NCAPD3: variants seen among roughly 807,000 people sequenced by gnomAD.
The protein encoded by NCAPD3 is condensin-2 complex subunit D3.
In NCAPD3, 105 loss-of-function variants were observed where a neutral mutation model predicts 182.9. That is an observed-to-expected ratio of 0.57 (90% CI 0.49 to 0.68). The LOEUF (loss-of-function observed/expected upper bound fraction) is 0.68, where lower values mean the gene tolerates loss of function less well. Among genes scored for constraint, NCAPD3 ranks in the 30% least tolerant of loss-of-function variants. The probability of loss-of-function intolerance (pLI) is 0.00; values close to 1 mark genes in which losing one functional copy is unlikely to be tolerated. For synonymous variants in NCAPD3, 815 were observed against 679.9 expected (o/e 1.20, Z -3.09); for missense variants, 1,944 against 1,837.0 (o/e 1.06, Z -1.07).
intron 19 of NCAPD3, among the ~76,000 whole-genome samples, chr11:134,184,230 T>C (rs943758482): frequency 6.6e-6 from 1 of 152,202 alleles, no homozygotes; most frequent in Non-Finnish European, 1.5e-5. Context: ...ATGTCCAAGA[T>C]TATGACTTAT....
At chr11:134,177,148 G>T in intron 23 of NCAPD3, 71 bp downstream of exon 23, 1 of 1,187,006 alleles carries the variant, frequency 8.4e-7, no homozygotes, top group Non-Finnish European at 1.2e-6. Flanking sequence ...CATTTCCTAT[G>T]CTACTCAAAT....
At chr11:134,178,425 G>A (rs1468223182) in intron 22 of NCAPD3, 5 of 400,696 alleles carry the variant, frequency 1.2e-5, no homozygotes, top group Non-Finnish European at 2.2e-5. Context: ...CCTTAGTCTT[G>A]AGGACTTATC....
In NCAPD3 at chr11:134,157,097, T is replaced by C; in HGVS notation, c.4175-2A>G. ...CTTGCTCCAAACTGTATGAAGACAC[T>C]AGAACAGAAAAGGTGCTGCTATCCA... On this transcript the variant is annotated splice_acceptor_variant, in intron 31 of 34. Coordinates refer to ENST00000534548, the MANE Select transcript of NCAPD3 (RefSeq NM_015261.3). LOFTEE classifies it high-confidence loss of function. The C allele has an allele frequency of 1.2e-6, 2 of 1,609,306 alleles. No homozygotes were observed. The highest frequency in any genetic ancestry group is 1.7e-6 in the Non-Finnish European group (2 of 1,177,402).
At chr11:134,207,863 C>G (rs1937674166) in intron 7 of NCAPD3, among the ~76,000 whole-genome samples, 1 of 151,160 alleles carries the variant, frequency 6.6e-6, no homozygotes, top group South Asian at 2.1e-4. Context: ...AAAAACATTA[C>G]TGTAAATGTT....
rs141544624 is a variant in NCAPD3, at chr11:134,188,834, C to T, written c.2046-3308G>A. 4.6e-3 allele frequency among the ~76,000 whole-genome samples: 701 copies of T among 152,248 alleles called. 1 individual carries two copies. Among genetic ancestry groups the T allele is most frequent in the Non-Finnish European group, 8.3e-3 (565 of 68,030 alleles). ...AGAACCCACCAGAAGGAATAAATTC[C>T]GGACACAAAGGGTATCCTTATAAGA... On this transcript the variant is annotated intron_variant, in intron 16 of 34. Coordinates refer to ENST00000534548, the MANE Select transcript of NCAPD3 (RefSeq NM_015261.3).
At position 134,158,013 on chromosome 11, in the gene NCAPD3, C is replaced by T; in HGVS notation, c.4089G>A (p.Glu1363=). 6.2e-7 allele frequency: 1 copy of T among 1,614,222 alleles called. No individual in the cohort carries two copies. The highest frequency in any genetic ancestry group is 8.5e-7 in the Non-Finnish European group (1 of 1,180,040). Residue 1363 remains glutamate (E), a synonymous_variant, in exon 31 of 35, where the codon GAG becomes GAA. Transcript: ENST00000534548. The part of the protein sequence containing the change: ...AILNSVKKAV[E]SKSRHRSRSL... ...TCCGACTCCGATGCCTGCTCTTTGA[C>T]TCCACGGCTTTCTTGACAGAATTCA...
At chr11:134,218,123 A>G (rs74238189) in intron 2 of NCAPD3, among the ~76,000 whole-genome samples, 1,006 of 40,278 alleles carry the variant, frequency 0.025, 27 homozygotes, top group East Asian at 0.064. Flanking sequence ...GGGGGGGGGG[A>G]AGAAATCATC....
chr11:134,160,152 C>A, intron 28 of NCAPD3, 78 bp from the exon 29 acceptor site: 2 of 1,469,590 alleles, frequency 1.4e-6, no homozygotes, highest in Non-Finnish European at 9.3e-7. Flanking sequence ...GACACACCTT[C>A]GCCTGTGTAA....
At chr11:134,185,261 T>C in intron 17 of NCAPD3, 74 bp downstream of exon 17, 1 of 1,339,094 alleles carries the variant, frequency 7.5e-7, no homozygotes, top group East Asian at 2.5e-5. Flanking sequence ...ATGAAAAAGC[T>C]CACTTCCTTA....
At chr11:134,168,678 A>G in intron 25 of NCAPD3, 76 bp from the exon 26 acceptor site, 1 of 1,581,774 alleles carries the variant, frequency 6.3e-7, no homozygotes, top group Non-Finnish European at 8.6e-7. Flanking sequence ...CTTTAACTGC[A>G]TCCTAAAAGC....
chr11:134,153,139 C>T lies in NCAPD3; in HGVS notation c.4388+1G>A, dbSNP rs1164631127. 6 of 1,613,710 alleles carry T rather than the reference C, an allele frequency of 3.7e-6. No individual in the cohort carries two copies. The highest frequency in any genetic ancestry group is 5.1e-6 in the Non-Finnish European group (6 of 1,179,602). The stretch of plus-strand genomic sequence containing the variant: ...CTCAAAAGGAACACTGCTAAACTTA[C>T]GGTTTATCAGGCAGTGATAAACATA... On this transcript the variant is annotated splice_donor_variant, in intron 34 of 34. Transcript: ENST00000534548. LOFTEE classifies it high-confidence loss of function.
intron 18 of NCAPD3, 35 bp from the exon 19 acceptor site, chr11:134,184,787 GC>G: frequency 6.8e-7 from 1 of 1,465,862 alleles, no homozygotes; most frequent in Non-Finnish European, 9.5e-7. Flanking sequence ...AAGTTCAACT[GC>G]TTAAATATAT....
intron 8 of NCAPD3, among the ~76,000 whole-genome samples, chr11:134,206,183 G>C (rs1238786290): frequency 6.6e-6 from 1 of 152,184 alleles, no homozygotes; most frequent in Non-Finnish European, 1.5e-5. Flanking sequence ...GAAAGGAATA[G>C]AAAAGTGCAA....
chr11:134,225,239 C>G (rs1057360508), upstream of NCAPD3: 4 of 1,614,064 alleles, frequency 2.5e-6, no homozygotes, highest in Non-Finnish European at 3.4e-6. Context: ...AATATTTCCT[C>G]TTCTACGACG....
intron 32 of NCAPD3, among the ~76,000 whole-genome samples, chr11:134,155,903 G>A (rs1186122857): frequency 6.6e-6 from 1 of 152,158 alleles, no homozygotes; most frequent in Non-Finnish European, 1.5e-5. Context: ...GGACCTGGAT[G>A]AAAATTACCT....
At chr11:134,176,277 T>G (rs780948034) in intron 24 of NCAPD3, 30 bp downstream of exon 24, 2 of 1,586,212 alleles carry the variant, frequency 1.3e-6, no homozygotes, top group Non-Finnish European at 1.7e-6. Flanking sequence ...GGTAAACTGT[T>G]GAGTCGTCTG....
In NCAPD3 at chr11:134,202,255, A is replaced by G. The variant is rs542977271; in HGVS notation, c.1615+561T>C. The stretch of plus-strand genomic sequence containing the variant: ...TCACTTTCTTAAATGTTGTTTCTAC[A>G]GACTTTCCCAACAGTCGTCTGGGAA... On this transcript the variant is annotated intron_variant, in intron 13 of 34. Coordinates refer to ENST00000534548, the MANE Select transcript of NCAPD3 (RefSeq NM_015261.3). Among the ~76,000 whole-genome samples the G allele has an allele frequency of 6.6e-5, 10 of 152,348 alleles. No individual in the cohort carries two copies. The East Asian group carries it at 1.4e-3, about 21-fold the overall frequency.
Position 134,178,529 on chromosome 11 carries a change from C to G in NCAPD3, c.2782+105G>C, listed in dbSNP as rs867033571. Reference sequence around the variant, plus strand: ...GGAACCACATGGCTGAGAGCAGACACAGACAGGCTCCGCAGCCCCTGACAC... The same window carrying G: ...GGAACCACATGGCTGAGAGCAGACAGAGACAGGCTCCGCAGCCCCTGACAC... On this transcript the variant is annotated intron_variant, in intron 22 of 34. Coordinates refer to ENST00000534548, the MANE Select transcript of NCAPD3 (RefSeq NM_015261.3). The G allele has an allele frequency of 1.4e-5, 12 of 864,410 alleles. No homozygotes were observed. In the Middle Eastern group the frequency reaches 1.5e-3, roughly 109 times the overall value. The allele number at this position is 864,410 out of a possible 1,614,324, so 53.5% of individuals were successfully genotyped here.
At chr11:134,154,299 C>G (rs777647814) in intron 32 of NCAPD3, among the ~76,000 whole-genome samples, 8 of 152,156 alleles carry the variant, frequency 5.3e-5, no homozygotes, top group Non-Finnish European at 8.8e-5. Context: ...TGCCCTGCTT[C>G]AAGACACCTC....
Sources: gnomAD v4.1 joint callset for allele counts (sites outside exome capture counted in the v4.1 genomes callset) on GRCh38, gnomAD v4.1.1 for gene constraint, MANE v1.5 for transcripts, NCBI Gene and HGNC (gene_info 2026-07-23, HGNC 2026-07-21) for gene names.